The following TRIO variants were observed in gnomAD, a reference collection of about 807,000 sequenced individuals.
The protein encoded by TRIO is trio Rho guanine nucleotide exchange factor.
In TRIO, 58 loss-of-function variants were observed where a neutral mutation model predicts 351.9. That is an observed-to-expected ratio of 0.16 (90% CI 0.13 to 0.21). The LOEUF (loss-of-function observed/expected upper bound fraction) is 0.21, where lower values mean the gene tolerates loss of function less well. Ranked by LOEUF, TRIO falls within the 10% of genes least tolerant of loss-of-function variation. TRIO has a pLI of 1.00. For synonymous variants in TRIO, 1,758 were observed against 1,595.7 expected, an observed-to-expected ratio of 1.10 and a Z score of -2.42; for missense variants, 3,201 against 4,027.8, an observed-to-expected ratio of 0.79 and a Z score of 5.56.
chr5:14,357,481 C>A (rs1397487901), intron 11 of TRIO, among the ~76,000 whole-genome samples: 1 of 152,188 alleles, frequency 6.6e-6, no homozygotes, highest in African/African-American at 2.4e-5. Context: ...GTCATTCTTG[C>A]CACTCTCATT....
intron 10 of TRIO, among the ~76,000 whole-genome samples, chr5:14,336,312 G>A (rs1025084409): frequency 6.6e-6 from 1 of 152,092 alleles, no homozygotes; most frequent in African/African-American, 2.4e-5. Context: ...TCAATACAAG[G>A]GTTTTGATAT....
At chr5:14,367,130 C>G in intron 16 of TRIO, 151 bp downstream of exon 16, 1 of 1,110,404 alleles carries the variant, frequency 9.0e-7, no homozygotes, top group Non-Finnish European at 1.2e-6. Context: ...GCTTCTAAGT[C>G]TGCAGCTGAT....
chr5:14,260,064 C>A (rs1347224647), intron 1 of TRIO, among the ~76,000 whole-genome samples: 1 of 152,160 alleles, frequency 6.6e-6, no homozygotes, highest in African/African-American at 2.4e-5. Flanking sequence ...ATTAGAACAT[C>A]ACAGTATTAA....
intron 48 of TRIO, 165 bp downstream of exon 48, chr5:14,488,425 G>A (rs985420761): frequency 1.9e-6 from 2 of 1,040,426 alleles, no homozygotes; most frequent in Admixed American, 2.9e-5. Context: ...CCGGCCCACG[G>A]CGCTACTAAC....
intron 1 of TRIO, among the ~76,000 whole-genome samples, chr5:14,191,334 G>A (rs1335758751): frequency 6.6e-6 from 1 of 152,176 alleles, no homozygotes; most frequent in Non-Finnish European, 1.5e-5. Flanking sequence ...GGCTGCACTT[G>A]TAATCCTAGT....
intron 34 of TRIO, among the ~76,000 whole-genome samples, chr5:14,442,118 T>C (rs1020970499): frequency 1.3e-5 from 2 of 152,140 alleles, no homozygotes; most frequent in African/African-American, 4.8e-5. Context: ...GTCCAGACCA[T>C]ACAGCCGAAA....
chr5:14,182,870 C>G (rs573283617), intron 1 of TRIO, among the ~76,000 whole-genome samples: 859 of 81,368 alleles, frequency 0.011, 11 homozygotes, highest in Admixed American at 0.041. Flanking sequence ...AGACCCCCCC[C>G]CCTCCACTTT....
At chr5:14,450,751 C>T (rs1752793234) in intron 34 of TRIO, among the ~76,000 whole-genome samples, 1 of 152,198 alleles carries the variant, frequency 6.6e-6, no homozygotes, top group African/African-American at 2.4e-5. Flanking sequence ...GTAAAGATTT[C>T]CCATGCTGAC....
chr5:14,319,501 A>G (rs900203808), intron 9 of TRIO, among the ~76,000 whole-genome samples: 3 of 152,244 alleles, frequency 2.0e-5, no homozygotes, highest in African/African-American at 7.2e-5. Flanking sequence ...TGAAAGAAAA[A>G]TAGTAGTACT....
chr5:14,346,023 G>A, intron 11 of TRIO, among the ~76,000 whole-genome samples: 1 of 152,132 alleles, frequency 6.6e-6, no homozygotes, highest in Non-Finnish European at 1.5e-5. Context: ...ACTGATCTTC[G>A]TTGTTCTTAT....
Position 14,389,276 on chromosome 5 carries a change from C to T in TRIO, c.3949-13C>T. 6.3e-7 allele frequency: 1 copy of T among 1,581,584 alleles called. No homozygotes were observed. The highest frequency in any genetic ancestry group is 8.6e-7 in the Non-Finnish European group (1 of 1,166,980). On this transcript the variant is annotated splice_polypyrimidine_tract_variant and intron_variant, in intron 24 of 56. Transcript: ENST00000344204. ...GATTATTTTTGTCTAATCCCTGTTTCCCTCTCGGCTAGACGTACCTGTGGG... is the reference window on the plus strand; with the variant it reads ...GATTATTTTTGTCTAATCCCTGTTTTCCTCTCGGCTAGACGTACCTGTGGG...
rs765576014 is a variant in TRIO, at chr5:14,488,108, G to C, written c.7480G>C (p.Ala2494Pro). 14 of 1,609,016 alleles carry C rather than the reference G, an allele frequency of 8.7e-6. No homozygotes were observed. The highest frequency in any genetic ancestry group is 1.1e-5 in the Non-Finnish European group (13 of 1,178,922). Residue 2494 changes from alanine (A) to proline (P), a missense_variant, in exon 48 of 57, where the codon GCC (alanine) becomes CCC (proline). Transcript: ENST00000344204. ...SFWSSIPASP[A>P]SRPGSFTFPG... is the part of the protein sequence containing the mutation. ...CTGGAGCTCCATCCCCGCCTCCCCC[G>C]CCAGCCGACCCGGCTCCTTCACCTT...
In TRIO at chr5:14,471,463, G is replaced by A; in HGVS notation, c.5909G>A (p.Arg1970Lys). 1 of 1,614,066 alleles carries A rather than the reference G, an allele frequency of 6.2e-7. No homozygotes were observed. Among genetic ancestry groups the A allele is most frequent in the Non-Finnish European group, 8.5e-7 (1 of 1,180,004 alleles). Residue 1970 changes from arginine (R) to lysine (K), a missense_variant, in exon 38 of 57, where the codon AGA becomes AAA. Coordinates refer to ENST00000344204, the MANE Select transcript of TRIO (RefSeq NM_007118.4). ...AGGAAATCCAGCTCTTTAAAGAGAAGACAGTAAGACAGAAATGTTTTCATT... is the reference window on the plus strand; with the variant it reads ...AGGAAATCCAGCTCTTTAAAGAGAAAACAGTAAGACAGAAATGTTTTCATT... ...EERKSSSLKR[R>K]HYVLQELVET...
intron 27 of TRIO, among the ~76,000 whole-genome samples, chr5:14,393,056 GAAA>G (rs550792228): frequency 1.0e-5 from 1 of 96,964 alleles, no homozygotes; most frequent in Non-Finnish European, 2.5e-5. Flanking sequence ...CAAAAAGAAA[GAAA>G]AAAAAAAAAA....
At chr5:14,189,543 C>T (rs1790333391) in intron 1 of TRIO, among the ~76,000 whole-genome samples, 1 of 152,106 alleles carries the variant, frequency 6.6e-6, no homozygotes, top group Non-Finnish European at 1.5e-5. Flanking sequence ...TTGGATAATT[C>T]TCATCTTAGG....
At chr5:14,170,279 TA>T (rs1420280599) in intron 1 of TRIO, among the ~76,000 whole-genome samples, 1 of 152,184 alleles carries the variant, frequency 6.6e-6, no homozygotes, top group Non-Finnish European at 1.5e-5. Context: ...CTTTCGTAAT[TA>T]AAAAATTCAA....
rs768852436 is a variant in TRIO, at chr5:14,358,252, G to A, written c.2121G>A (p.Gln707=). ...DVYAESVEAV[Q]DLIKRFGQQQ... ...ATGCCGAGTCGGTGGAGGCCGTGCAGGACCTCATCAAGCGCTTTGGCCAGC... is the reference window on the plus strand; with the variant it reads ...ATGCCGAGTCGGTGGAGGCCGTGCAAGACCTCATCAAGCGCTTTGGCCAGC... The change falls in exon 12 of 57, where the codon CAG becomes CAA. Residue 707 remains glutamine, a synonymous_variant. Transcript: ENST00000344204. 1 of 1,614,164 alleles carries A rather than the reference G, an allele frequency of 6.2e-7. No individual in the cohort carries two copies. Among genetic ancestry groups the A allele is most frequent in the Admixed American group, 1.7e-5 (1 of 60,028 alleles).
At chr5:14,201,539 T>C (rs1286804959) in intron 1 of TRIO, among the ~76,000 whole-genome samples, 1 of 152,166 alleles carries the variant, frequency 6.6e-6, no homozygotes, top group Non-Finnish European at 1.5e-5. Flanking sequence ...ATTGTTAACT[T>C]TGAGGATTAC....
Position 14,397,174 on chromosome 5 carries a change from C to G in TRIO, c.4423+20C>G. ...TGGAAGGTAAAGGACCCTCCATACC[C>G]CAGTGTGCATCTATGCAGTTTCTAA... On this transcript the variant is annotated intron_variant, in intron 29 of 56. Transcript: ENST00000344204. 1 of 1,570,590 alleles carries G rather than the reference C, an allele frequency of 6.4e-7. No homozygotes were observed. Among genetic ancestry groups the G allele is most frequent in the Non-Finnish European group, 8.7e-7 (1 of 1,152,970 alleles).
Sources: allele counts gnomAD v4.1 joint callset (sites outside exome capture counted in the v4.1 genomes callset), GRCh38; gene constraint gnomAD v4.1.1; transcripts MANE v1.5; gene names NCBI Gene and HGNC (gene_info 2026-07-23, HGNC 2026-07-21).